The following OPRM1 variants were observed in gnomAD, a reference collection of about 807,000 sequenced individuals.
The protein encoded by OPRM1 is opioid receptor mu 1.
OPRM1 carries 27 observed loss-of-function variants against 31.8 expected under a neutral mutation model. The observed-to-expected ratio is 0.85, with a 90% CI of 0.63 to 1.17. OPRM1 has a LOEUF of 1.17. OPRM1 is among the 50% of genes most tolerant of loss of function. The probability of loss-of-function intolerance (pLI) is 0.00; values close to 1 mark genes in which losing one functional copy is unlikely to be tolerated. For missense variants in OPRM1, 536 were observed against 511.1 expected, an observed-to-expected ratio of 1.05 and a Z score of -0.47; for synonymous variants, 196 against 189.9, an observed-to-expected ratio of 1.03 and a Z score of -0.26.
chr6:154,108,770 AC>A (rs1397175568), intron 3 of OPRM1: 15 of 985,216 alleles, frequency 1.5e-5, no homozygotes, highest in Non-Finnish European at 1.8e-5. Context: ...CGCTTTATAA[AC>A]TTTTAATTGA....
At chr6:154,056,097 C>CTCTTT (rs10633291) in intron 1 of OPRM1, among the ~76,000 whole-genome samples, 21,021 of 151,378 alleles carry the variant, frequency 0.14, 1,564 homozygotes, top group Non-Finnish European at 0.17. Flanking sequence ...AATGATGGAG[C>CTCTTT]TCTTTTCTTT....
chr6:154,142,006 G>T (rs1798225646), intron 3 of OPRM1, among the ~76,000 whole-genome samples: 1 of 152,146 alleles, frequency 6.6e-6, no homozygotes, highest in Non-Finnish European at 1.5e-5. Context: ...CTGTGGTACT[G>T]GTATCATCTT....
At chr6:154,099,466 AAGAAAAAGAAAG>A (rs1794093746) in intron 3 of OPRM1, among the ~76,000 whole-genome samples, 1 of 150,556 alleles carries the variant, frequency 6.6e-6, no homozygotes, top group African/African-American at 2.5e-5. Flanking sequence ...GAAAGAAAGA[AAGAAAAAGAAAG>A]AAAGAAAGAA....
rs555077259 is a variant in OPRM1, at chr6:154,159,615, C to G, written c.1164+68143C>G. ...ACAAAAAACGCCTTTCAACTGAACT[C>G]AATCATTCCAATCTCAATGGATGCG... On this transcript the variant is annotated intron_variant, in intron 3 of 3. Transcript: ENST00000337049. The G allele has an allele frequency of 3.4e-5, 19 of 562,542 alleles. No individual in the cohort carries two copies. In the Admixed American group the frequency reaches 5.5e-4, roughly 16 times the overall value. 34.8% of individuals were successfully genotyped at this position (562,542 alleles called of 1,614,324 possible).
At position 154,168,835 on chromosome 6, in the gene OPRM1, A is replaced by ACTT. The variant is rs1262027346; in HGVS notation, c.1164+77364_1164+77366dup. Reference sequence around the variant, plus strand: ...TGCCCAGGCTGGTCTTGAACTCCTGACTTTGGGTGATCCGCCCACCTTGGC... The same window carrying ACTT: ...TGCCCAGGCTGGTCTTGAACTCCTGACTTCTTTGGGTGATCCGCCCACCTTGGC... On this transcript the variant is annotated intron_variant, in intron 3 of 3. Coordinates refer to the OPRM1 transcript ENST00000337049. This position sits in a 1 kb window ranked among gnomAD's most constrained non-coding sequence, Gnocchi z 4.1. Among the ~76,000 whole-genome samples, 1 of 150,060 alleles carries ACTT rather than the reference A, an allele frequency of 6.7e-6. No homozygotes were observed. Among genetic ancestry groups the ACTT allele is most frequent in the East Asian group, 2.0e-4 (1 of 5,126 alleles).
chr6:154,191,735 T>C (rs1439386697), intron 3 of OPRM1, among the ~76,000 whole-genome samples: 3 of 152,156 alleles, frequency 2.0e-5, no homozygotes. Flanking sequence ...ATGTAAACCA[T>C]AGACTTTAGT....
At position 154,028,665 on chromosome 6, in the gene OPRM1, G is replaced by A. The variant is rs543945863; in HGVS notation, c.1-10496G>A. Among the ~76,000 whole-genome samples the A allele has an allele frequency of 3.8e-4, 58 of 152,284 alleles. No individual in the cohort carries two copies. In the South Asian group the frequency reaches 9.7e-3, roughly 26 times the overall value. On this transcript the variant is annotated intron_variant, in intron 1 of 5. Transcript: ENST00000434900. ...GGATTAGTGATTCCCCTCTGGCTAG[G>A]GCTGGGTTAAATGCTCCCTCCATGG...
intron 1 of OPRM1, among the ~76,000 whole-genome samples, chr6:154,023,444 T>A (rs1237329908): frequency 6.6e-6 from 1 of 152,174 alleles, no homozygotes; most frequent in Non-Finnish European, 1.5e-5. Flanking sequence ...GTTCTAGTTG[T>A]TTTTTGATTC....
At chr6:154,101,911 G>A (rs1359212710) in intron 3 of OPRM1, among the ~76,000 whole-genome samples, 1 of 152,154 alleles carries the variant, frequency 6.6e-6, no homozygotes, top group Non-Finnish European at 1.5e-5. Context: ...GATAAGAACA[G>A]CAGATGCAAG....
intron 3 of OPRM1, among the ~76,000 whole-genome samples, chr6:154,147,027 T>G (rs991738777): frequency 6.6e-6 from 1 of 152,164 alleles, no homozygotes; most frequent in South Asian, 2.1e-4. Flanking sequence ...GGAAATGGAC[T>G]TTTGTACTCT....
intron 3 of OPRM1, chr6:154,156,784 T>C (rs943131834): frequency 5.9e-5 from 9 of 152,038 alleles, no homozygotes; most frequent in African/African-American, 2.2e-4. Context: ...GGGCTCAGAG[T>C]GTCTATTTGC....
chr6:154,031,451 T>C (rs1050137520), intron 1 of OPRM1, among the ~76,000 whole-genome samples: 9 of 152,134 alleles, frequency 5.9e-5, no homozygotes, highest in African/African-American at 2.2e-4. Context: ...GCAATGTTTA[T>C]TGGCTGGGTG....
chr6:154,238,922 G>A (rs115940382), intron 3 of OPRM1, among the ~76,000 whole-genome samples: 1 of 148,462 alleles, frequency 6.7e-6, no homozygotes, highest in Admixed American at 6.7e-5. Flanking sequence ...CTATATTGTT[G>A]TTTTTTTTAA....
intron 3 of OPRM1, among the ~76,000 whole-genome samples, chr6:154,149,404 G>A (rs2128540887): frequency 6.6e-6 from 1 of 152,144 alleles, no homozygotes; most frequent in Middle Eastern, 3.4e-3. Context: ...TGACACGTGG[G>A]ATTATGGGAA....
chr6:154,178,789 A>G (rs946642274), intron 3 of OPRM1, among the ~76,000 whole-genome samples: 3 of 152,216 alleles, frequency 2.0e-5, no homozygotes, highest in African/African-American at 7.2e-5. Context: ...GAAATAATGA[A>G]AGGCAAATTA....
intron 3 of OPRM1, among the ~76,000 whole-genome samples, chr6:154,098,115 T>C (rs116592171): frequency 0.026 from 4,005 of 152,302 alleles, 197 homozygotes; most frequent in African/African-American, 0.088. Flanking sequence ...AATTAGTGGC[T>C]AACTATTGAC....
At chr6:154,050,614 G>A (rs563681006) in intron 1 of OPRM1, among the ~76,000 whole-genome samples, 1 of 152,038 alleles carries the variant, frequency 6.6e-6, no homozygotes, top group Non-Finnish European at 1.5e-5. Flanking sequence ...AGGGTAGTGG[G>A]GGCTGATGGG....
chr6:154,171,559 C>A (rs1387353026), intron 3 of OPRM1, among the ~76,000 whole-genome samples: 1 of 152,154 alleles, frequency 6.6e-6, no homozygotes, highest in Non-Finnish European at 1.5e-5. Flanking sequence ...ATGACAGCTG[C>A]ACAATTCCAA....
rs116154834 is a variant in OPRM1 at position 154,085,357 on chromosome 6, C to A, written c.291-4469C>A. Among the ~76,000 whole-genome samples, 910 of 152,288 alleles carry A rather than the reference C, an allele frequency of 6.0e-3. 7 individuals are homozygous for A. The highest frequency in any genetic ancestry group is 0.021 in the African/African-American group (867 of 41,546). ...ATAAAAATCACTCTAATGGGTCAAA[C>A]ATCGATGGTTCTCAGAAGAACACAA... On this transcript the variant is annotated intron_variant, in intron 1 of 3. Coordinates refer to ENST00000330432, the MANE Select transcript of OPRM1 (RefSeq NM_000914.5).
Sources: gnomAD v4.1 joint callset for allele counts (sites outside exome capture counted in the v4.1 genomes callset) on GRCh38, gnomAD v4.1.1 for gene constraint, Gnocchi (gnomAD v3.1) non-coding constraint, MANE v1.5 for transcripts, NCBI Gene and HGNC (gene_info 2026-07-23, HGNC 2026-07-21) for gene names.